The following FLNC variants were observed in gnomAD, a reference collection of about 807,000 sequenced individuals.
The protein encoded by FLNC is filamin C, also known as filamin-C.
Under a neutral mutation model 254.3 loss-of-function variants are expected in FLNC, and 91 were observed. The ratio of observed to expected loss-of-function variants is 0.36; its 90% CI spans 0.30 to 0.43. The LOEUF (loss-of-function observed/expected upper bound fraction) is 0.43. Ranked by LOEUF, FLNC falls within the 20% of genes least tolerant of loss-of-function variation. FLNC has a pLI of 1.00. For synonymous variants in FLNC, 1,430 were observed against 1,577.2 expected (o/e 0.91, Z 2.21); for missense variants, 2,853 against 3,802.6 (o/e 0.75, Z 6.57).
chr7:128,847,524 T>C (rs1254594018), intron 24 of FLNC, among the ~76,000 whole-genome samples, 173 bp from the exon 25 acceptor site: 1 of 152,124 alleles, frequency 6.6e-6, no homozygotes, highest in Non-Finnish European at 1.5e-5. Context: ...TGCAGTCAAG[T>C]TCATTTATTC....
At position 128,840,139 on chromosome 7, in the gene FLNC, A is replaced by C. The variant is rs955475416; in HGVS notation, c.1528A>C (p.Lys510Gln). Residue 510 changes from lysine to glutamine, a missense_variant, in exon 9 of 48, where the codon AAG (lysine) becomes CAG (glutamine). This residue lies in a region of FLNC where 1,573 missense variants were observed against 1,883.5 expected (regional missense o/e 0.84). Coordinates refer to ENST00000325888, the MANE Select transcript of FLNC (RefSeq NM_001458.5). ...CAAGGGTGCCGGCAGCGGGGAGCTC[A>C]AGGTCACGGTCAAGGGGCCAAGTGA... ...FTKGAGSGELKVTVKGPKGTE... is the reference protein window; with the variant it reads ...FTKGAGSGELQVTVKGPKGTE... 2.4e-5 allele frequency: 39 copies of C among 1,613,846 alleles called. No homozygotes were observed. The highest frequency in any genetic ancestry group is 3.1e-5 in the Non-Finnish European group (37 of 1,180,006).
chr7:128,856,976 TC>T lies in FLNC; in HGVS notation c.7561+56del, dbSNP rs1809090155. 6.3e-7 allele frequency: 1 copy of T among 1,597,250 alleles called. No homozygotes were observed. Among genetic ancestry groups the T allele is most frequent in the South Asian group, 1.1e-5 (1 of 90,770 alleles). On this transcript the variant is annotated intron_variant, in intron 45 of 47. Coordinates refer to ENST00000325888, the MANE Select transcript of FLNC (RefSeq NM_001458.5). This position sits in a 1 kb window ranked among gnomAD's most constrained non-coding sequence, Gnocchi z 5.9. Reference sequence around the variant, plus strand: ...ACTTCTGGGGGTGCTTGGCCACTAGTCTGGTGCTGCTTTGCTCCAGAGGTAG... The same window carrying T: ...ACTTCTGGGGGTGCTTGGCCACTAGTTGGTGCTGCTTTGCTCCAGAGGTAG...
At position 128,848,185 on chromosome 7, in the gene FLNC, C is replaced by T. The variant is rs530813904; in HGVS notation, c.4580+117C>T. The T allele has an allele frequency of 7.1e-4, 900 of 1,275,550 alleles. 4 individuals are homozygous for T. Among genetic ancestry groups the T allele is most frequent in the Non-Finnish European group, 4.9e-4 (442 of 903,980 alleles). 79.0% of individuals were successfully genotyped at this position (1,275,550 alleles called of 1,614,324 possible). ...GAGAGCCTCTCCCAGCTCTCAGCCT[C>T]GTCCAGTCTCGCCACCCCATCCCGC... On this transcript the variant is annotated intron_variant, in intron 26 of 47. Coordinates refer to ENST00000325888, the MANE Select transcript of FLNC (RefSeq NM_001458.5).
At position 128,842,113 on chromosome 7, in the gene FLNC, G is replaced by GT; in HGVS notation, c.2122-117dup. On this transcript the variant is annotated intron_variant, in intron 13 of 47. Transcript: ENST00000325888. The surrounding 1 kb of genome is among the most constrained non-coding windows in gnomAD (Gnocchi z 5.4). ...GGCTCTGGTGGCCTCAGTGGCTGGT[G>GT]TGGGGGCGGGAGTGCCAGTGTTGGG... is the stretch of plus-strand genomic sequence containing the variant. 9.3e-7 allele frequency: 1 copy of GT among 1,078,568 alleles called. No homozygotes were observed. The highest frequency in any genetic ancestry group is 2.0e-5 in the Admixed American group (1 of 49,742). The allele number at this position is 1,078,568 out of a possible 1,614,324, so 66.8% of individuals were successfully genotyped here.
At position 128,842,272 on chromosome 7, in the gene FLNC, C is replaced by A. The variant is rs370539335; in HGVS notation, c.2163C>A (p.Asn721Lys). Residue 721 changes from asparagine (N) to lysine (K), a missense_variant, in exon 14 of 48, where the codon AAC becomes AAA. Physicochemically the swap from Asn to Lys is moderately conservative, Grantham distance 94 (BLOSUM62 0). This residue lies in a region of FLNC where 1,573 missense variants were observed against 1,883.5 expected (regional missense o/e 0.84). Transcript: ENST00000325888. This position sits in a 1 kb window ranked among gnomAD's most constrained non-coding sequence, Gnocchi z 5.4. The part of the protein sequence containing the change: ...GCPIDIKVIP[N>K]GDGTFRCSYV... ...CCATCGACATCAAGGTGATCCCCAACGGCGACGGCACCTTCCGCTGCTCCT... is the reference window on the plus strand; with the variant it reads ...CCATCGACATCAAGGTGATCCCCAAAGGCGACGGCACCTTCCGCTGCTCCT... 1.9e-5 allele frequency: 31 copies of A among 1,613,682 alleles called. No individual in the cohort carries two copies. In the African/African-American group the frequency reaches 4.0e-4, roughly 21 times the overall value.
At chr7:128,845,356 C>T in intron 21 of FLNC, 101 bp downstream of exon 21, 1 of 978,144 alleles carries the variant, frequency 1.0e-6, no homozygotes, top group Non-Finnish European at 1.6e-6. Context: ...GAAGAGCAAC[C>T]TGGGGTGAAG....
At chr7:128,855,593 C>T (rs1809022837) in intron 43 of FLNC, among the ~76,000 whole-genome samples, 1 of 152,228 alleles carries the variant, frequency 6.6e-6, no homozygotes. Context: ...GTTTGTTCCA[C>T]CTTCTGTTGT....
At chr7:128,832,363 C>T (rs1045607364) in intron 1 of FLNC, among the ~76,000 whole-genome samples, 2 of 152,152 alleles carry the variant, frequency 1.3e-5, no homozygotes, top group African/African-American at 4.8e-5. Flanking sequence ...CTGAGGGCTA[C>T]GTGATGGAGG....
chr7:128,849,072 G>A (rs889724050), intron 28 of FLNC, 90 bp downstream of exon 28: 1 of 1,591,104 alleles, frequency 6.3e-7, no homozygotes, highest in Non-Finnish European at 8.6e-7. Context: ...GGGGTCTGCT[G>A]GTCGGAGAGC....
At chr7:128,850,278 A>T in intron 31 of FLNC, 106 bp from the exon 32 acceptor site, 1 of 1,075,010 alleles carries the variant, frequency 9.3e-7, no homozygotes, top group Admixed American at 1.7e-5. Context: ...CGCTGGTTTC[A>T]TGATTAACTA....
Position 128,837,732 on chromosome 7 carries a change from G to T in FLNC, c.946G>T (p.Asp316Tyr). 6.3e-7 allele frequency: 1 copy of T among 1,590,838 alleles called. No individual in the cohort carries two copies. ...GVGEVLVYIE[D>Y]PEGHTEEAKV... is the part of the protein sequence containing the mutation. ...GGGCGAGGTGCTGGTCTACATCGAG[G>T]ACCCTGAAGGCCACACCGAGGAGGT... is the stretch of plus-strand genomic sequence containing the variant. The change falls in exon 5 of 48, where the codon GAC becomes TAC. Residue 316 changes from aspartate (D) to tyrosine (Y), a missense_variant. Coordinates refer to ENST00000325888, the MANE Select transcript of FLNC (RefSeq NM_001458.5).
chr7:128,831,907 C>T (rs1210980058), intron 1 of FLNC, among the ~76,000 whole-genome samples: 2 of 152,102 alleles, frequency 1.3e-5, no homozygotes, highest in African/African-American at 4.8e-5. Context: ...GCAGTCATCC[C>T]TGAGGCTGGG....
rs758216356 is a variant in FLNC, at chr7:128,837,632, C to T, written c.851-5C>T. On this transcript the variant is annotated splice_polypyrimidine_tract_variant and splice_region_variant and intron_variant, in intron 4 of 47. Transcript: ENST00000325888. The stretch of plus-strand genomic sequence containing the variant: ...AGTAACCTGGGCTCTGCTCCTGCCC[C>T]GTAGGCATCGAGCCACAGGGCAACA... 2.2e-5 allele frequency: 36 copies of T among 1,612,434 alleles called. 1 individual carries two copies. The South Asian group carries it at 2.6e-4, about 12-fold the overall frequency.
chr7:128,855,757 G>A (rs1446614196), intron 43 of FLNC, among the ~76,000 whole-genome samples: 1 of 152,222 alleles, frequency 6.6e-6, no homozygotes. Context: ...GGCCGCTGGG[G>A]GCCTGGCTTG....
Position 128,843,231 on chromosome 7 carries a change from G to T in FLNC, c.2553G>T (p.Glu851Asp). ...GACTGAGCCTCCTCCACATCCAGGA[G>T]ATCCCCGCCAGCCCCTTCCACATCA... is the stretch of plus-strand genomic sequence containing the variant. ...YTIMVLFANQ[E>D]IPASPFHIKV... Residue 851 changes from glutamate (E) to aspartate (D), a missense_variant and splice_region_variant, in exon 17 of 48, where the codon GAG (glutamate) becomes GAT (aspartate). By Grantham distance (45) the Glu-to-Asp change is conservative. Around this residue, in one of 10 missense-constraint regions of FLNC, gnomAD observed 1,573 missense variants for 1,883.5 expected, o/e 0.84. Transcript: ENST00000325888. 2 of 1,592,126 alleles carry T rather than the reference G, an allele frequency of 1.3e-6. No homozygotes were observed. The highest frequency in any genetic ancestry group is 1.7e-6 in the Non-Finnish European group (2 of 1,169,070).
In FLNC at chr7:128,837,405, C is replaced by T. The variant is rs771789906; in HGVS notation, c.707C>T (p.Ala236Val). The part of the protein sequence containing the change: ...DDWLGVPQVI[A>V]PEEIVDPNVD... ...CACTCCTTTCCATCGCAGGTCATTGCCCCTGAGGAGATTGTGGACCCCAAC... is the reference window on the plus strand; with the variant it reads ...CACTCCTTTCCATCGCAGGTCATTGTCCCTGAGGAGATTGTGGACCCCAAC... Residue 236 changes from alanine (A) to valine (V), a missense_variant, in exon 4 of 48, where the codon GCC becomes GTC. Transcript: ENST00000325888. The T allele has an allele frequency of 4.6e-5, 74 of 1,613,966 alleles. No homozygotes were observed. Among genetic ancestry groups the T allele is most frequent in the Non-Finnish European group, 6.2e-5 (73 of 1,180,014 alleles).
Position 128,840,106 on chromosome 7 carries a change from G to A in FLNC, c.1495G>A (p.Val499Met), listed in dbSNP as rs750435647. 6.2e-7 allele frequency: 1 copy of A among 1,614,046 alleles called. No individual in the cohort carries two copies. The highest frequency in any genetic ancestry group is 8.5e-7 in the Non-Finnish European group (1 of 1,180,046). The change falls in exon 9 of 48, where the codon GTG becomes ATG. Residue 499 changes from valine to methionine, a missense_variant. Val to Met is a conservative substitution (Grantham distance 21). Around this residue, in one of 10 missense-constraint regions of FLNC, gnomAD observed 1,573 missense variants for 1,883.5 expected, o/e 0.84. Transcript: ENST00000325888. ...VRVKEVADFK[V>M]FTKGAGSGEL... is the part of the protein sequence containing the mutation. ...CGTGAAAGAGGTGGCTGACTTCAAG[G>A]TGTTTACCAAGGGTGCCGGCAGCGG...
chr7:128,856,791 C>T lies in FLNC; in HGVS notation c.7431C>T (p.Ser2477=). The change falls in exon 45 of 48, where the codon TCC becomes TCT. Residue 2477 remains serine, a synonymous_variant. Transcript: ENST00000325888. The surrounding 1 kb of genome is among the most constrained non-coding windows in gnomAD (Gnocchi z 5.9). The part of the protein sequence containing the change: ...RFIPHENGVH[S]IDVKFNGAHI... ...TCCCCCACGAGAATGGCGTCCACTC[C>T]ATCGATGTCAAGTTCAACGGTGCCC... is the stretch of plus-strand genomic sequence containing the variant. 1 of 1,614,218 alleles carries T rather than the reference C, an allele frequency of 6.2e-7. No homozygotes were observed. Among genetic ancestry groups the T allele is most frequent in the Non-Finnish European group, 8.5e-7 (1 of 1,180,036 alleles).
chr7:128,831,067 G>T, intron 1 of FLNC, 78 bp downstream of exon 1: 1 of 1,399,102 alleles, frequency 7.1e-7, no homozygotes, highest in Non-Finnish European at 9.8e-7. Flanking sequence ...TGCGGGGTGG[G>T]CGCGCGGGGA....
Sources: gnomAD v4.1 joint callset for allele counts (sites outside exome capture counted in the v4.1 genomes callset) on GRCh38, gnomAD v4.1.1 for gene constraint, gnomAD v4.1.1 regional missense constraint, Gnocchi (gnomAD v3.1) non-coding constraint, MANE v1.5 for transcripts, NCBI Gene and HGNC (gene_info 2026-07-23, HGNC 2026-07-21) for gene names.